OPHN1: variants seen among roughly 807,000 people sequenced by gnomAD.
The protein encoded by OPHN1 is oligophrenin 1.
A neutral mutation model predicts 60.7 loss-of-function variants in OPHN1; 11 were observed. The ratio of observed to expected loss-of-function variants is 0.18; its 90% CI spans 0.11 to 0.30. The LOEUF (loss-of-function observed/expected upper bound fraction) is 0.30. Ranked by LOEUF, OPHN1 falls within the 10% of genes least tolerant of loss-of-function variation. The probability of loss-of-function intolerance (pLI) is 1.00; values close to 1 mark genes in which losing one functional copy is unlikely to be tolerated. For missense variants in OPHN1, 449 were observed against 611.0 expected, an observed-to-expected ratio of 0.73 and a Z score of 2.80; for synonymous variants, 226 against 222.6, an observed-to-expected ratio of 1.02 and a Z score of -0.14.
chrX:68,351,713 T>C (rs749362168), intron 2 of OPHN1, among the ~76,000 whole-genome samples: 4 of 111,152 alleles, frequency 3.6e-5, no homozygotes, highest in South Asian at 3.8e-4. Context: ...GTTGTTGTTT[T>C]TGAGACAGAG....
intron 5 of OPHN1, among the ~76,000 whole-genome samples, chrX:68,267,205 C>T (rs1324785964): frequency 2.7e-5 from 3 of 111,397 alleles, no homozygotes; most frequent in Non-Finnish European, 5.6e-5. Context: ...AACTCCCCAC[C>T]CCAAATCAAC....
intron 15 of OPHN1, among the ~76,000 whole-genome samples, chrX:68,191,787 G>T (rs1251248675): frequency 8.9e-6 from 1 of 111,854 alleles, no homozygotes; most frequent in Non-Finnish European, 1.9e-5. Flanking sequence ...GCTATAACTA[G>T]CAAGGCACAG....
At chrX:68,097,135 G>A in intron 18 of OPHN1, 106 bp from the exon 19 acceptor site, 2 of 703,856 alleles carry the variant, frequency 2.8e-6, no homozygotes, top group Admixed American at 3.8e-5. Context: ...AAATGTAGAA[G>A]GAAAGGAGCA....
Position 68,213,967 on chromosome X carries a change from G to A in OPHN1, c.492C>T (p.Asp164=). 2 of 1,128,117 alleles carry A rather than the reference G, an allele frequency of 1.8e-6. No individual in the cohort carries two copies. Among genetic ancestry groups the A allele is most frequent in the Middle Eastern group, 2.4e-4 (1 of 4,175 alleles). The allele number at this position is 1,128,117 out of a possible 1,213,427, so 93.0% of individuals were successfully genotyped here. A position where few individuals can be genotyped will look rare whatever the true frequency, so the allele number is the denominator to read the frequency against. The change falls in exon 7 of 25, where the codon GAC becomes GAT. Residue 164 remains aspartate, a synonymous_variant. Coordinates refer to ENST00000355520, the MANE Select transcript of OPHN1 (RefSeq NM_002547.3). ...TGTGCCTCTCCTTGTCCACCTGTAG[G>A]TCTGCCTGTAGAAGAAGGAAAACAA... is the stretch of plus-strand genomic sequence containing the variant. ...KKKESQLQEA[D]LQVDKERHNF... is the part of the protein sequence containing the mutation.
At chrX:68,232,110 T>C (rs1481195172) in intron 6 of OPHN1, among the ~76,000 whole-genome samples, 1 of 111,842 alleles carries the variant, frequency 8.9e-6, no homozygotes, top group Non-Finnish European at 1.9e-5. Context: ...CTCATTTTTT[T>C]ATTGAATAAG....
chrX:68,186,263 G>A (rs983263235), intron 15 of OPHN1, among the ~76,000 whole-genome samples: 2 of 111,161 alleles, frequency 1.8e-5, no homozygotes, highest in African/African-American at 6.6e-5. Context: ...AGATTACTAT[G>A]TTGAATGAAT....
chrX:68,089,457 C>T (rs2077007968), intron 19 of OPHN1, among the ~76,000 whole-genome samples: 2 of 111,143 alleles, frequency 1.8e-5, no homozygotes, highest in African/African-American at 6.5e-5. Flanking sequence ...CTCTGTAGAC[C>T]GCAGTTTACC....
intron 6 of OPHN1, among the ~76,000 whole-genome samples, chrX:68,231,737 G>C (rs1168787965): frequency 1.8e-5 from 2 of 111,908 alleles, no homozygotes; most frequent in African/African-American, 3.2e-5. Context: ...TGACATTTTG[G>C]AAAAGGCAAA....
chrX:68,206,550 A>T lies in OPHN1; in HGVS notation c.933+23T>A, dbSNP rs150349136. 1,408 of 1,130,356 alleles carry T rather than the reference A, an allele frequency of 1.2e-3. 21 individuals carry two copies. In the East Asian group the frequency reaches 0.039, roughly 32 times the overall value. The allele number at this position is 1,130,356 out of a possible 1,213,427, so 93.2% of individuals were successfully genotyped here. ...AACAGTCATAGATCCATTTCCAAAA[A>T]TATGGTGCAAACAAGAACTGACCTG... On this transcript the variant is annotated intron_variant, in intron 10 of 24. Transcript: ENST00000355520.
chrX:68,235,773 G>A (rs1243886559), intron 5 of OPHN1, among the ~76,000 whole-genome samples: 2 of 110,675 alleles, frequency 1.8e-5, no homozygotes, highest in Non-Finnish European at 3.8e-5. Context: ...CAGGAGAATT[G>A]CTTGAACCTG....
chrX:68,347,226 G>A (rs377564905), intron 2 of OPHN1, among the ~76,000 whole-genome samples: 1 of 111,336 alleles, frequency 9.0e-6, no homozygotes, highest in East Asian at 2.8e-4. Context: ...AAATGGGGCT[G>A]CACTACAGAA....
At chrX:68,234,863 A>G (rs1230802900) in intron 5 of OPHN1, among the ~76,000 whole-genome samples, 2 of 112,284 alleles carry the variant, frequency 1.8e-5, no homozygotes, top group East Asian at 5.6e-4. Flanking sequence ...GATACCTTAA[A>G]AGGGCCTGTG....
chrX:68,185,988 G>T (rs907413580), intron 15 of OPHN1, among the ~76,000 whole-genome samples: 1 of 111,509 alleles, frequency 9.0e-6, no homozygotes, highest in Non-Finnish European at 1.9e-5. Context: ...TAAGAAATAG[G>T]CTGCTTTTTT....
chrX:68,119,591 A>G (rs1238654530), intron 15 of OPHN1, among the ~76,000 whole-genome samples: 2 of 112,037 alleles, frequency 1.8e-5, no homozygotes, highest in Non-Finnish European at 3.8e-5. Flanking sequence ...GATTCATCAG[A>G]TAACTGGGGT....
chrX:68,143,154 C>T (rs2077250296), intron 15 of OPHN1, among the ~76,000 whole-genome samples: 1 of 111,479 alleles, frequency 9.0e-6, no homozygotes, highest in Non-Finnish European at 1.9e-5. Flanking sequence ...GAGTCATGCC[C>T]CATCTCTGAC....
At chrX:68,224,695 A>G (rs1569249654) in intron 6 of OPHN1, among the ~76,000 whole-genome samples, 2 of 112,394 alleles carry the variant, frequency 1.8e-5, no homozygotes, top group East Asian at 2.8e-4. Context: ...AGAAGAATAA[A>G]TCACATCCAA....
intron 2 of OPHN1, among the ~76,000 whole-genome samples, chrX:68,393,889 T>G (rs986259356): frequency 7.8e-5 from 5 of 64,007 alleles, no homozygotes; most frequent in South Asian, 1.2e-3. Context: ...GACTTTGTTT[T>G]TTTTTTTTTT....
Position 68,070,140 on chromosome X carries a change from A to G in OPHN1, c.1834+3012T>C, listed in dbSNP as rs148001570. On this transcript the variant is annotated intron_variant, in intron 20 of 24. Transcript: ENST00000355520. ...GATCATCAATTTCGTCTCCCTACCT[A>G]CAAATGGAATTTCATCTTGTTTCCA... Among the ~76,000 whole-genome samples, 52 of 111,870 alleles carry G rather than the reference A, an allele frequency of 4.6e-4. No individual in the cohort carries two copies. In the East Asian group the frequency reaches 0.013, roughly 28 times the overall value.
intron 4 of OPHN1, among the ~76,000 whole-genome samples, 154 bp downstream of exon 4, chrX:68,282,902 T>C (rs2078025451): frequency 1.8e-5 from 2 of 111,672 alleles, no homozygotes; most frequent in Admixed American, 1.9e-4. Flanking sequence ...GCTTGAGACA[T>C]AATAACCAGA....
Sources: allele counts gnomAD v4.1 joint callset (sites outside exome capture counted in the v4.1 genomes callset), GRCh38; gene constraint gnomAD v4.1.1; transcripts MANE v1.5; gene names NCBI Gene and HGNC (gene_info 2026-07-23, HGNC 2026-07-21).